The following DNAH7 variants were observed in gnomAD, a reference collection of about 807,000 sequenced individuals.
The protein encoded by DNAH7 is dynein axonemal heavy chain 7, also known as axonemal beta dynein heavy chain 7.
A neutral mutation model predicts 444.6 loss-of-function variants in DNAH7; 397 were observed. The ratio of observed to expected loss-of-function variants is 0.89; its 90% CI spans 0.82 to 0.97. The LOEUF is 0.97. Ranked by LOEUF, DNAH7 falls within the 50% of genes least tolerant of loss-of-function variation. DNAH7 has a pLI of 0.00. For missense variants in DNAH7, 4,902 were observed against 4,800.8 expected, an observed-to-expected ratio of 1.02 and a Z score of -0.62; for synonymous variants, 1,636 against 1,624.4, an observed-to-expected ratio of 1.01 and a Z score of -0.17.
rs77570341 is a variant in DNAH7 at position 195,738,315 on chromosome 2, T to A, written c.11869-188A>T. Among the ~76,000 whole-genome samples the A allele has an allele frequency of 1.3e-4, 20 of 152,268 alleles. No homozygotes were observed. The Middle Eastern group carries it at 0.01, about 78-fold the overall frequency. ...ATAGAACTCTCATAACTGAAAAAAA[T>A]AGTTTTCGCCTTCTCTTTCTAAAAG... On this transcript the variant is annotated intron_variant, in intron 64 of 64. Transcript: ENST00000312428.
intron 40 of DNAH7, among the ~76,000 whole-genome samples, chr2:195,865,861 T>C (rs1395240040): frequency 6.6e-6 from 1 of 152,078 alleles, no homozygotes; most frequent in Non-Finnish European, 1.5e-5. Flanking sequence ...GAAGAGGCAT[T>C]AAAGCGCTCT....
Position 195,886,123 on chromosome 2 carries a change from G to A in DNAH7, c.5538+18C>T. On this transcript the variant is annotated intron_variant, in intron 34 of 64. Coordinates refer to ENST00000312428, the MANE Select transcript of DNAH7 (RefSeq NM_018897.3). ...ACCTGTCTTTCTGTAGCAGGATACAGAAGGCAACGGACCTTACCTCAAGCA... is the reference window on the plus strand; with the variant it reads ...ACCTGTCTTTCTGTAGCAGGATACAAAAGGCAACGGACCTTACCTCAAGCA... 1 of 1,607,888 alleles carries A rather than the reference G, an allele frequency of 6.2e-7. No homozygotes were observed. Among genetic ancestry groups the A allele is most frequent in the Non-Finnish European group, 8.5e-7 (1 of 1,177,648 alleles).
intron 16 of DNAH7, 77 bp from the exon 17 acceptor site, chr2:195,970,171 G>T: frequency 7.5e-7 from 1 of 1,335,914 alleles, no homozygotes; most frequent in Non-Finnish European, 1.0e-6. Context: ...CATTGTAGGA[G>T]TTATCAGAAT....
chr2:196,019,338 AT>A, intron 8 of DNAH7, 43 bp from the exon 9 acceptor site: 1 of 1,414,228 alleles, frequency 7.1e-7, no homozygotes, highest in Non-Finnish European at 9.4e-7. Context: ...CAAAAAAAGT[AT>A]TTTTATAGTA....
At chr2:195,967,141 A>G (rs1193558959) in intron 17 of DNAH7, among the ~76,000 whole-genome samples, 5 of 151,976 alleles carry the variant, frequency 3.3e-5, no homozygotes, top group African/African-American at 1.2e-4. Flanking sequence ...TTTTTATGTT[A>G]GATTACCATG....
intron 2 of DNAH7, among the ~76,000 whole-genome samples, chr2:196,056,570 C>A (rs1018723183): frequency 3.3e-5 from 5 of 152,130 alleles, no homozygotes; most frequent in African/African-American, 1.2e-4. Flanking sequence ...CAGGAACAAT[C>A]TTTCACCAAT....
chr2:195,934,904 G>A, intron 20 of DNAH7, 115 bp from the exon 21 acceptor site: 2 of 1,145,244 alleles, frequency 1.7e-6, no homozygotes, highest in Non-Finnish European at 1.2e-6. Context: ...GAAATGCTGT[G>A]CAAAAACCGG....
At chr2:195,942,562 G>A (rs73987159) in intron 19 of DNAH7, among the ~76,000 whole-genome samples, 9,391 of 152,070 alleles carry the variant, frequency 0.062, 378 homozygotes, top group African/African-American at 0.12. Context: ...AGGTAAAAGC[G>A]TGGAATGAGC....
At chr2:195,984,472 C>A (rs1031954225) in intron 15 of DNAH7, among the ~76,000 whole-genome samples, 160 bp downstream of exon 15, 1 of 152,084 alleles carries the variant, frequency 6.6e-6, no homozygotes, top group Non-Finnish European at 1.5e-5. Flanking sequence ...CTCAGCCTCC[C>A]GAGTAGCTGG....
At chr2:195,790,915 T>C (rs968449935) in intron 57 of DNAH7, among the ~76,000 whole-genome samples, 1 of 152,122 alleles carries the variant, frequency 6.6e-6, no homozygotes, top group Admixed American at 6.5e-5. Flanking sequence ...ACCTTCAGAA[T>C]GGGAGAAAAT....
chr2:196,068,303 A>G (rs1698539637), intron 1 of DNAH7: 1 of 272,914 alleles, frequency 3.7e-6, no homozygotes, highest in Non-Finnish European at 6.9e-6. Flanking sequence ...TACAAAGACT[A>G]AGAGATTTGT....
At chr2:196,051,749 A>G (rs1277050890) in intron 2 of DNAH7, among the ~76,000 whole-genome samples, 1 of 152,188 alleles carries the variant, frequency 6.6e-6, no homozygotes, top group Non-Finnish European at 1.5e-5. Context: ...CCTGGGCGAC[A>G]GAGCAACACT....
intron 19 of DNAH7, among the ~76,000 whole-genome samples, chr2:195,953,415 G>C (rs934345383): frequency 6.6e-6 from 1 of 152,248 alleles, no homozygotes; most frequent in Non-Finnish European, 1.5e-5. Flanking sequence ...ACAGAGGTCA[G>C]GGGCCCACCT....
At chr2:195,951,613 G>A (rs1330686756) in intron 19 of DNAH7, among the ~76,000 whole-genome samples, 1 of 152,014 alleles carries the variant, frequency 6.6e-6, no homozygotes, top group Non-Finnish European at 1.5e-5. Context: ...TATGAATCTG[G>A]GTGCTCCTAT....
At position 195,834,227 on chromosome 2, in the gene DNAH7, A is replaced by C. The variant is rs1418978613; in HGVS notation, c.9079T>G (p.Cys3027Gly). 1 of 1,606,126 alleles carries C rather than the reference A, an allele frequency of 6.2e-7. No homozygotes were observed. Among genetic ancestry groups the C allele is most frequent in the South Asian group, 1.1e-5 (1 of 90,286 alleles). The change falls in exon 48 of 65, where the codon TGC becomes GGC. Residue 3027 changes from cysteine (C) to glycine (G), a missense_variant. Transcript: ENST00000312428. ...EPDYVRTLEN[C>G]IQFGTPVLLE... Reference sequence around the variant, plus strand: ...ATACCAGGAGTACCAAACTGGATGCAATTTTCCAGAGTCCTGACATAGTCA... The same window carrying C: ...ATACCAGGAGTACCAAACTGGATGCCATTTTCCAGAGTCCTGACATAGTCA...
chr2:196,047,841 A>C (rs914810818), intron 4 of DNAH7, among the ~76,000 whole-genome samples: 6 of 152,038 alleles, frequency 3.9e-5, no homozygotes, highest in African/African-American at 1.4e-4. Flanking sequence ...TTAAAGAACC[A>C]TGACAAAAAG....
In DNAH7 at chr2:196,045,214, G is replaced by GAGGAGA. The variant is rs1232695320; in HGVS notation, c.398+2132_398+2137dup. Among the ~76,000 whole-genome samples, 3 of 147,224 alleles carry GAGGAGA rather than the reference G, an allele frequency of 2.0e-5. No homozygotes were observed. In the South Asian group the frequency reaches 6.4e-4, roughly 32 times the overall value. Reference sequence around the variant, plus strand: ...GAAGGAGGAGGAAAAGGAGGAGGAGGAGGAGAAGGAGAAGAAGAAAGAGAG... The same window carrying GAGGAGA: ...GAAGGAGGAGGAAAAGGAGGAGGAGGAGGAGAAGGAGAAGGAGAAGAAGAAAGAGAG... On this transcript the variant is annotated intron_variant, in intron 5 of 64. Transcript: ENST00000312428.
intron 46 of DNAH7, among the ~76,000 whole-genome samples, chr2:195,846,185 A>G (rs1197995713): frequency 6.6e-6 from 1 of 152,240 alleles, no homozygotes. Context: ...TCACCCCTTT[A>G]AAAAGTAGGC....
At chr2:195,784,054 G>A (rs1695504997) in intron 58 of DNAH7, among the ~76,000 whole-genome samples, 1 of 151,996 alleles carries the variant, frequency 6.6e-6, no homozygotes, top group African/African-American at 2.4e-5. Context: ...TGACCAAAGT[G>A]GCACACGTCT....
Sources: allele counts gnomAD v4.1 joint callset (sites outside exome capture counted in the v4.1 genomes callset), GRCh38; gene constraint gnomAD v4.1.1; transcripts MANE v1.5; gene names NCBI Gene and HGNC (gene_info 2026-07-23, HGNC 2026-07-21).